The following ABI2 variants were observed in gnomAD, a reference collection of about 807,000 sequenced individuals.
The protein encoded by ABI2 is abelson interactor 2.
In ABI2, 25 loss-of-function variants were observed where a neutral mutation model predicts 59.2. The observed-to-expected ratio is 0.42, with a 90% CI of 0.31 to 0.59. The LOEUF (loss-of-function observed/expected upper bound fraction) is 0.59, where lower values mean the gene tolerates loss of function less well. ABI2 is among the 20% of genes least tolerant of loss of function. The pLI is 0.14. For missense variants in ABI2, 545 were observed against 681.8 expected, an observed-to-expected ratio of 0.80 and a Z score of 2.23; for synonymous variants, 213 against 235.5, an observed-to-expected ratio of 0.90 and a Z score of 0.87.
intron 11 of ABI2, among the ~76,000 whole-genome samples, chr2:203,418,979 A>T (rs2098046163): frequency 6.6e-6 from 1 of 152,208 alleles, no homozygotes; most frequent in South Asian, 2.1e-4. Context: ...CAAAGATAAG[A>T]ATGACTGCAT....
At chr2:203,358,549 C>T (rs2092783567) in intron 1 of ABI2, among the ~76,000 whole-genome samples, 1 of 152,192 alleles carries the variant, frequency 6.6e-6, no homozygotes, top group Admixed American at 6.5e-5. Context: ...GGAACTCAAA[C>T]ACTTTTAGAA....
At chr2:203,398,659 A>T (rs575954080) in intron 8 of ABI2, among the ~76,000 whole-genome samples, 1 of 152,324 alleles carries the variant, frequency 6.6e-6, no homozygotes, top group South Asian at 2.1e-4. Context: ...CAAGTTACAG[A>T]ACAGTCCTAT....
intron 1 of ABI2, among the ~76,000 whole-genome samples, chr2:203,357,647 A>G (rs767224760): frequency 2.1e-4 from 32 of 152,252 alleles, no homozygotes; most frequent in Non-Finnish European, 4.3e-4. Flanking sequence ...TAAAAGTGTC[A>G]TGTTATTGAG....
intron 1 of ABI2, among the ~76,000 whole-genome samples, chr2:203,358,735 C>T (rs2092827903): frequency 6.6e-6 from 1 of 152,150 alleles, no homozygotes; most frequent in African/African-American, 2.4e-5. Flanking sequence ...TCCAGCCAGG[C>T]ATGGTGATTC....
At chr2:203,356,726 C>G (rs2092149594) in intron 1 of ABI2, among the ~76,000 whole-genome samples, 1 of 152,150 alleles carries the variant, frequency 6.6e-6, no homozygotes, top group Non-Finnish European at 1.5e-5. Context: ...GTCTCGAACT[C>G]CTGGGCTCAA....
chr2:203,381,408 T>TTGTA lies in ABI2; in HGVS notation c.463-781_463-780insTGTA, dbSNP rs1446634446. On this transcript the variant is annotated intron_variant, in intron 3 of 11. Transcript: ENST00000261018. ...CTTCCCTTGTCAGCTTCCCTGGGAC[T>TTGTA]ACAGGCACGTGCCACCATGCTGAGC... Among the ~76,000 whole-genome samples, 12 of 152,314 alleles carry TTGTA rather than the reference T, an allele frequency of 7.9e-5. No homozygotes were observed. In the East Asian group the frequency reaches 2.1e-3, roughly 27 times the overall value.
At chr2:203,417,157 A>AT in intron 11 of ABI2, 76 bp downstream of exon 11, 1 of 1,273,814 alleles carries the variant, frequency 7.9e-7, no homozygotes, top group South Asian at 2.0e-5. Flanking sequence ...ACTGAAGAGA[A>AT]TCTTATTTTC....
chr2:203,406,703 G>A (rs2153474197), intron 9 of ABI2, among the ~76,000 whole-genome samples: 1 of 152,200 alleles, frequency 6.6e-6, no homozygotes, highest in Admixed American at 6.5e-5. Flanking sequence ...TTGCTTTGTT[G>A]TCCAGGCTGG....
chr2:203,391,832 A>AAC (rs2153355431), intron 5 of ABI2, among the ~76,000 whole-genome samples: 1 of 152,144 alleles, frequency 6.6e-6, no homozygotes, highest in African/African-American at 2.4e-5. Flanking sequence ...AAAAAAAAAA[A>AAC]AAAAAAGAAG....
chr2:203,344,011 G>C (rs1278333766), intron 1 of ABI2, among the ~76,000 whole-genome samples: 1 of 151,746 alleles, frequency 6.6e-6, no homozygotes, highest in African/African-American at 2.4e-5. Flanking sequence ...GTGTGTGATG[G>C]TGTCCCAGCT....
intron 1 of ABI2, 92 bp downstream of exon 1, chr2:203,328,723 C>A: frequency 4.0e-6 from 3 of 748,410 alleles, no homozygotes; most frequent in Non-Finnish European, 6.0e-6. Context: ...CTCGGGGACA[C>A]GGCCCAGCGG....
chr2:203,338,932 A>ATGTGTG (rs1559153626), intron 1 of ABI2, among the ~76,000 whole-genome samples: 2 of 17,750 alleles, frequency 1.1e-4, no homozygotes, highest in Non-Finnish European at 2.7e-4. Context: ...GTGTGTGTAT[A>ATGTGTG]TGTATATATA....
intron 1 of ABI2, among the ~76,000 whole-genome samples, chr2:203,341,593 G>C (rs1387174925): frequency 6.6e-6 from 1 of 151,972 alleles, no homozygotes; most frequent in African/African-American, 2.4e-5. Flanking sequence ...GTGTGCACCA[G>C]TAGTGCCTCG....
chr2:203,382,310 A>C, intron 4 of ABI2, 104 bp downstream of exon 4: 1 of 967,984 alleles, frequency 1.0e-6, no homozygotes, highest in Non-Finnish European at 1.5e-6. Context: ...AAACCCAATA[A>C]ATAATTCCTC....
chr2:203,328,532 G>T lies in ABI2; in HGVS notation c.18G>T (p.Met6Ile). 1 of 1,605,334 alleles carries T rather than the reference G, an allele frequency of 6.2e-7. No individual in the cohort carries two copies. Among genetic ancestry groups the T allele is most frequent in the East Asian group, 2.3e-5 (1 of 43,530 alleles). The change falls in exon 1 of 12, where the codon ATG becomes ATT. Residue 6 changes from methionine to isoleucine, a missense_variant. Transcript: ENST00000261018. ...ATGTGAAGATGGCGGAGCTGCAGAT[G>T]CTGCTGGAAGAGGAAATCCCGGGGG... MAELQ[M>I]LLEEEIPGGR...
At position 203,392,314 on chromosome 2, in the gene ABI2, C is replaced by A. The variant is rs7603053; in HGVS notation, c.578+1171C>A. Among the ~76,000 whole-genome samples the A allele has an allele frequency of 5.0e-3, 620 of 123,318 alleles. 4 individuals carry two copies. The highest frequency in any genetic ancestry group is 0.013 in the East Asian group (57 of 4,522). The allele number at this position is 123,318 out of a possible 152,430, so 80.9% of individuals were successfully genotyped here. ...ACCACCACCACCACCACCACCACCA[C>A]CAACAACAACAACAACAACAACAAC... On this transcript the variant is annotated intron_variant, in intron 5 of 11. Transcript: ENST00000261018.
chr2:203,368,028 C>G (rs2094646317), intron 2 of ABI2, among the ~76,000 whole-genome samples: 1 of 151,824 alleles, frequency 6.6e-6, no homozygotes, highest in Non-Finnish European at 1.5e-5. Flanking sequence ...AAAAAGTAGC[C>G]AGGATTATAA....
intron 1 of ABI2, among the ~76,000 whole-genome samples, chr2:203,353,376 T>G (rs1224101479): frequency 6.6e-6 from 1 of 152,182 alleles, no homozygotes; most frequent in African/African-American, 2.4e-5. Context: ...TAGCACAGAT[T>G]TGATTATTTT....
At chr2:203,331,453 G>A (rs1157517001) in intron 1 of ABI2, among the ~76,000 whole-genome samples, 1 of 137,414 alleles carries the variant, frequency 7.3e-6, no homozygotes, top group Non-Finnish European at 1.5e-5. Context: ...CCGCCTCCTG[G>A]GTTCAAGCGA....
Sources: allele counts gnomAD v4.1 joint callset (sites outside exome capture counted in the v4.1 genomes callset), GRCh38; gene constraint gnomAD v4.1.1; transcripts MANE v1.5; gene names NCBI Gene and HGNC (gene_info 2026-07-23, HGNC 2026-07-21).